The following ACSL3 variants were observed in gnomAD, a reference collection of about 807,000 sequenced individuals.
ACSL3 encodes the protein acyl-CoA synthetase long chain family member 3.
ACSL3 carries 34 observed loss-of-function variants against 84.7 expected under a neutral mutation model. That is an observed-to-expected ratio of 0.40 (90% CI 0.31 to 0.53). The LOEUF (loss-of-function observed/expected upper bound fraction) is 0.53. Among genes scored for constraint, ACSL3 ranks in the 20% least tolerant of loss-of-function variants. The probability of loss-of-function intolerance (pLI) is 0.48; values close to 1 mark genes in which losing one functional copy is unlikely to be tolerated. For synonymous variants in ACSL3, 315 were observed against 299.4 expected, an observed-to-expected ratio of 1.05 and a Z score of -0.54; for missense variants, 680 against 873.1, an observed-to-expected ratio of 0.78 and a Z score of 2.79.
At position 222,943,055 on chromosome 2, in the gene ACSL3, C is replaced by T. The variant is rs1169578721; in HGVS notation, c.*1401C>T. ...TCAGACTAGTTACTTTGTTGATTCT[C>T]AGTTACTGTAGGCATCAAAAGGCAA... On this transcript the variant is annotated 3_prime_UTR_variant, in exon 17 of 17. Coordinates refer to ENST00000357430, the MANE Select transcript of ACSL3 (RefSeq NM_004457.5). 2.8e-5 allele frequency: 6 copies of T among 212,840 alleles called. No individual in the cohort carries two copies. The highest frequency in any genetic ancestry group is 5.6e-5 in the Non-Finnish European group (6 of 107,924). 13.2% of individuals were successfully genotyped at this position (212,840 alleles called of 1,614,324 possible).
chr2:222,868,801 G>A (rs753899165), intron 1 of ACSL3, among the ~76,000 whole-genome samples: 11 of 151,812 alleles, frequency 7.2e-5, no homozygotes, highest in East Asian at 1.9e-4. Context: ...GTGAAATCCC[G>A]TCTCTACTAA....
chr2:222,914,476 G>A (rs1696525680), intron 4 of ACSL3, among the ~76,000 whole-genome samples: 1 of 152,102 alleles, frequency 6.6e-6, no homozygotes, highest in African/African-American at 2.4e-5. Context: ...TGCCCAGGCT[G>A]GTCTCGAATT....
intron 2 of ACSL3, among the ~76,000 whole-genome samples, chr2:222,899,167 A>G (rs1696071600): frequency 1.3e-5 from 2 of 152,218 alleles, no homozygotes; most frequent in South Asian, 4.1e-4. Flanking sequence ...GGAGACTGAT[A>G]GTTTAACCTT....
chr2:222,934,685 C>T lies in ACSL3; in HGVS notation c.2003C>T (p.Ser668Leu). The T allele has an allele frequency of 6.2e-7, 1 of 1,607,172 alleles. No homozygotes were observed. Among genetic ancestry groups the T allele is most frequent in the East Asian group, 2.2e-5 (1 of 44,674 alleles). Reference protein sequence around the residue: ...VLKVLSEAAISASLEKFEIPV... With the variant: ...VLKVLSEAAILASLEKFEIPV... Reference sequence around the variant, plus strand: ...AAAGTGCTTTCCGAAGCTGCTATTTCAGGTGAGTATTCGGTTAAACTGATA... The same window carrying T: ...AAAGTGCTTTCCGAAGCTGCTATTTTAGGTGAGTATTCGGTTAAACTGATA... The change falls in exon 16 of 17, where the codon TCA (serine) becomes TTA (leucine). Residue 668 changes from serine (S) to leucine (L), a missense_variant and splice_region_variant. This residue lies in a region of ACSL3 where 347 missense variants were observed against 525.7 expected (regional missense o/e 0.66). Transcript: ENST00000357430.
intron 3 of ACSL3, among the ~76,000 whole-genome samples, chr2:222,902,405 T>C (rs1203344725): frequency 6.6e-6 from 1 of 152,218 alleles, no homozygotes; most frequent in Non-Finnish European, 1.5e-5. Flanking sequence ...ATAAATTGCA[T>C]TCTGGGCTTT....
At chr2:222,883,252 C>T (rs971985617) in intron 1 of ACSL3, among the ~76,000 whole-genome samples, 3 of 149,978 alleles carry the variant, frequency 2.0e-5, no homozygotes, top group Non-Finnish European at 4.4e-5. Context: ...AGGATCTTGG[C>T]TCACTGCAAC....
chr2:222,934,331 A>G (rs13031981), intron 15 of ACSL3, among the ~76,000 whole-genome samples, 199 bp from the exon 16 acceptor site: 6,203 of 152,296 alleles, frequency 0.041, 197 homozygotes, highest in Middle Eastern at 0.1. Flanking sequence ...TTAGCAACGA[A>G]CTCTGCCAAA....
chr2:222,895,095 T>G (rs1695940898), intron 2 of ACSL3, among the ~76,000 whole-genome samples: 1 of 152,242 alleles, frequency 6.6e-6, no homozygotes, highest in South Asian at 2.1e-4. Flanking sequence ...CACTGTGGTC[T>G]TATTATTTCA....
intron 4 of ACSL3, among the ~76,000 whole-genome samples, chr2:222,911,841 A>G (rs1321111465): frequency 6.6e-6 from 1 of 152,242 alleles, no homozygotes; most frequent in African/African-American, 2.4e-5. Context: ...GTGCCTTTGT[A>G]TTCAATGATT....
At chr2:222,915,651 C>T (rs1049764794) in intron 4 of ACSL3, among the ~76,000 whole-genome samples, 6 of 152,158 alleles carry the variant, frequency 3.9e-5, no homozygotes, top group Admixed American at 1.3e-4. Context: ...CCAGCACTTA[C>T]GATAAACAGA....
intron 16 of ACSL3, among the ~76,000 whole-genome samples, chr2:222,935,582 G>T (rs1358247952): frequency 1.3e-5 from 2 of 152,084 alleles, no homozygotes; most frequent in East Asian, 3.9e-4. Context: ...CAGCCCTGTG[G>T]TACATGCCTT....
intron 16 of ACSL3, 55 bp downstream of exon 16, chr2:222,934,742 A>G: frequency 1.3e-6 from 2 of 1,561,628 alleles, no homozygotes; most frequent in South Asian, 1.2e-5. Flanking sequence ...GAGTACTTAC[A>G]TGCATTCAAC....
chr2:222,925,786 G>A (rs1188615647), intron 11 of ACSL3, among the ~76,000 whole-genome samples: 2 of 152,058 alleles, frequency 1.3e-5, no homozygotes, highest in East Asian at 3.8e-4. Context: ...ATTTCAGTAT[G>A]AATATAATTA....
intron 11 of ACSL3, among the ~76,000 whole-genome samples, chr2:222,926,258 C>T (rs1203377994): frequency 1.3e-5 from 2 of 152,040 alleles, no homozygotes; most frequent in East Asian, 1.9e-4. Flanking sequence ...AATACTATGC[C>T]GTTTTATATA....
chr2:222,873,251 C>T (rs768939161), intron 1 of ACSL3, among the ~76,000 whole-genome samples: 39 of 152,146 alleles, frequency 2.6e-4, no homozygotes, highest in Non-Finnish European at 5.3e-4. Flanking sequence ...ATATACCTGA[C>T]CATATATTAT....
intron 1 of ACSL3, among the ~76,000 whole-genome samples, chr2:222,874,308 G>A (rs62187237): frequency 0.098 from 14,945 of 152,146 alleles, 817 homozygotes; most frequent in Non-Finnish European, 0.12. Context: ...TACAGGCGTG[G>A]GCCACTGTGC....
intron 10 of ACSL3, among the ~76,000 whole-genome samples, chr2:222,924,002 C>G (rs1329922221): frequency 6.6e-6 from 1 of 152,188 alleles, no homozygotes; most frequent in Non-Finnish European, 1.5e-5. Flanking sequence ...CAAAAACTCC[C>G]AAACGTTGCA....
chr2:222,892,082 A>G (rs1468621119), intron 2 of ACSL3, among the ~76,000 whole-genome samples: 1 of 152,224 alleles, frequency 6.6e-6, no homozygotes, highest in Non-Finnish European at 1.5e-5. Flanking sequence ...CATACATTGC[A>G]ACTGTGTGGG....
intron 12 of ACSL3, among the ~76,000 whole-genome samples, 193 bp downstream of exon 12, chr2:222,927,382 C>T (rs758772386): frequency 2.0e-5 from 3 of 152,106 alleles, no homozygotes; most frequent in Non-Finnish European, 4.4e-5. Context: ...AATAATTTAT[C>T]TGGAGAAGTT....
Sources: allele counts gnomAD v4.1 joint callset (sites outside exome capture counted in the v4.1 genomes callset), GRCh38; gene constraint gnomAD v4.1.1; regional missense constraint gnomAD v4.1.1; transcripts MANE v1.5; gene names NCBI Gene and HGNC (gene_info 2026-07-23, HGNC 2026-07-21).